The following SLC35F3 variants were observed in gnomAD, a reference collection of about 807,000 sequenced individuals.
SLC35F3 encodes solute carrier family 35 member F3.
In SLC35F3, 25 loss-of-function variants were observed where a neutral mutation model predicts 49.9. The ratio of observed to expected loss-of-function variants is 0.50; its 90% CI spans 0.37 to 0.70. The LOEUF (loss-of-function observed/expected upper bound fraction) is 0.70. SLC35F3 is among the 30% of genes least tolerant of loss of function. SLC35F3 has a pLI of 0.00. For synonymous variants in SLC35F3, 275 were observed against 265.4 expected (o/e 1.04, Z -0.35); for missense variants, 525 against 639.8 (o/e 0.82, Z 1.94).
At chr1:234,270,806 C>G (rs1466427703) in intron 3 of SLC35F3, among the ~76,000 whole-genome samples, 1 of 152,174 alleles carries the variant, frequency 6.6e-6, no homozygotes, top group Non-Finnish European at 1.5e-5. Flanking sequence ...TGGGATGATG[C>G]CTGCCTGACG....
intron 1 of SLC35F3, 141 bp downstream of exon 1, chr1:233,905,271 C>A: frequency 1.0e-6 from 1 of 962,230 alleles, no homozygotes; most frequent in Non-Finnish European, 1.6e-6. Context: ...CGGGAAGTTT[C>A]AGTCATTCTT....
At chr1:234,155,247 T>C (rs1666133003) in intron 2 of SLC35F3, among the ~76,000 whole-genome samples, 2 of 152,200 alleles carry the variant, frequency 1.3e-5, no homozygotes, top group Non-Finnish European at 2.9e-5. Context: ...TGTTTCATTG[T>C]TTTAAGACAA....
intron 2 of SLC35F3, among the ~76,000 whole-genome samples, chr1:234,140,484 G>T (rs1417605369): frequency 6.6e-6 from 1 of 152,142 alleles, no homozygotes; most frequent in African/African-American, 2.4e-5. Flanking sequence ...AAACATAGTA[G>T]TTGCAGGATT....
intron 2 of SLC35F3, among the ~76,000 whole-genome samples, chr1:234,138,263 G>A (rs12031833): frequency 6.6e-6 from 1 of 152,110 alleles, no homozygotes; most frequent in East Asian, 1.9e-4. Flanking sequence ...AGAAGTTGTG[G>A]TGAGGATTAA....
At chr1:234,228,127 T>G (rs1667316230) in intron 2 of SLC35F3, among the ~76,000 whole-genome samples, 3 of 152,236 alleles carry the variant, frequency 2.0e-5, no homozygotes, top group Admixed American at 1.3e-4. Context: ...CAGTTTCTCC[T>G]GTGGCATGTC....
chr1:234,217,057 A>G (rs1035210967), intron 2 of SLC35F3, among the ~76,000 whole-genome samples: 5 of 152,060 alleles, frequency 3.3e-5, no homozygotes, highest in Non-Finnish European at 5.9e-5. Flanking sequence ...GTGTTGAATC[A>G]TTTCATTTTA....
chr1:234,052,835 G>A (rs1664399408), intron 2 of SLC35F3, among the ~76,000 whole-genome samples: 1 of 152,156 alleles, frequency 6.6e-6, no homozygotes, highest in Admixed American at 6.5e-5. Flanking sequence ...CTGGTATGTT[G>A]TGTCTTTGTT....
chr1:233,975,982 A>G (rs1663073644), intron 2 of SLC35F3, among the ~76,000 whole-genome samples: 1 of 152,226 alleles, frequency 6.6e-6, no homozygotes, highest in African/African-American at 2.4e-5. Flanking sequence ...GGCCATGAGA[A>G]AGAGGAAGAA....
At chr1:234,077,947 A>T (rs1664820883) in intron 2 of SLC35F3, among the ~76,000 whole-genome samples, 1 of 152,130 alleles carries the variant, frequency 6.6e-6, no homozygotes, top group South Asian at 2.1e-4. Flanking sequence ...AATATGAAAG[A>T]TGTCAGGGAG....
intron 3 of SLC35F3, among the ~76,000 whole-genome samples, chr1:234,289,763 C>T (rs1458969298): frequency 6.6e-6 from 1 of 152,198 alleles, no homozygotes; most frequent in Non-Finnish European, 1.5e-5. Context: ...CCCATGGGAA[C>T]ATCTCTACAG....
At chr1:233,970,504 G>T (rs550210650) in intron 2 of SLC35F3, among the ~76,000 whole-genome samples, 2 of 152,306 alleles carry the variant, frequency 1.3e-5, no homozygotes, top group African/African-American at 4.8e-5. Context: ...AATTTAGGGG[G>T]CAGGGGGTGG....
At chr1:234,064,509 T>G (rs1664587017) in intron 2 of SLC35F3, among the ~76,000 whole-genome samples, 1 of 152,196 alleles carries the variant, frequency 6.6e-6, no homozygotes, top group Admixed American at 6.5e-5. Flanking sequence ...GATGTTTTCC[T>G]CCAGCAGGTT....
intron 2 of SLC35F3, among the ~76,000 whole-genome samples, chr1:233,971,860 T>C (rs553369514): frequency 5.9e-4 from 90 of 152,276 alleles, no homozygotes; most frequent in Non-Finnish European, 9.7e-4. Context: ...CTGGAAAGGA[T>C]TGACCATCCA....
chr1:234,091,974 C>G (rs1487780464), intron 2 of SLC35F3, among the ~76,000 whole-genome samples: 1 of 152,212 alleles, frequency 6.6e-6, no homozygotes, highest in Non-Finnish European at 1.5e-5. Flanking sequence ...GAGAAGCAAG[C>G]TTCTTGTCCC....
chr1:234,308,139 G>A (rs1419461201), intron 3 of SLC35F3, among the ~76,000 whole-genome samples: 2 of 152,178 alleles, frequency 1.3e-5, no homozygotes, highest in Non-Finnish European at 2.9e-5. Context: ...GTGCTAGATA[G>A]TGTCTTAGAG....
chr1:234,245,288 AT>A (rs1667613514), intron 3 of SLC35F3, among the ~76,000 whole-genome samples: 1 of 152,172 alleles, frequency 6.6e-6, no homozygotes, highest in South Asian at 2.1e-4. Context: ...GTTGCTGCAA[AT>A]GACATGATTT....
At chr1:234,230,304 A>G (rs964357279) in intron 2 of SLC35F3, among the ~76,000 whole-genome samples, 7 of 152,262 alleles carry the variant, frequency 4.6e-5, no homozygotes, top group African/African-American at 1.4e-4. Context: ...TTCAGAAAGT[A>G]TGATATACAA....
At chr1:233,913,092 C>A (rs1374239065) in intron 2 of SLC35F3, among the ~76,000 whole-genome samples, 1 of 152,114 alleles carries the variant, frequency 6.6e-6, no homozygotes, top group Non-Finnish European at 1.5e-5. Context: ...GTTTGCAGTG[C>A]CTGGGGAGCC....
At chr1:233,990,398 T>A (rs1367730093) in intron 2 of SLC35F3, among the ~76,000 whole-genome samples, 1 of 152,240 alleles carries the variant, frequency 6.6e-6, no homozygotes, top group Non-Finnish European at 1.5e-5. Flanking sequence ...AATGTGAACA[T>A]GGGAAAATTC....
Sources: gnomAD v4.1 joint callset for allele counts (sites outside exome capture counted in the v4.1 genomes callset) on GRCh38, gnomAD v4.1.1 for gene constraint, MANE v1.5 for transcripts, NCBI Gene and HGNC (gene_info 2026-07-23, HGNC 2026-07-21) for gene names.